Variants in DDX60L observed in about 807,000 individuals in gnomAD.
DDX60L encodes probable ATP-dependent RNA helicase DDX60-like.
A neutral mutation model predicts 211.6 loss-of-function variants in DDX60L; 191 were observed. That is an observed-to-expected ratio of 0.90 (90% CI 0.80 to 1.02). DDX60L has a LOEUF of 1.02. Ranked by LOEUF, DDX60L falls within the 50% of genes least tolerant of loss-of-function variation. The probability of loss-of-function intolerance (pLI) is 0.00; values close to 1 mark genes in which losing one functional copy is unlikely to be tolerated. For missense variants in DDX60L, 2,007 were observed against 1,984.1 expected (o/e 1.01, Z -0.22); for synonymous variants, 706 against 694.1 (o/e 1.02, Z -0.27).
intron 36 of DDX60L, among the ~76,000 whole-genome samples, chr4:168,369,206 G>A (rs552590622): frequency 6.6e-6 from 1 of 152,276 alleles, no homozygotes; most frequent in East Asian, 1.9e-4. Flanking sequence ...GGAACCCGGT[G>A]CGAGGTGACT....
intron 7 of DDX60L, among the ~76,000 whole-genome samples, chr4:168,454,435 T>C (rs907527236): frequency 2.6e-5 from 4 of 152,082 alleles, no homozygotes; most frequent in Non-Finnish European, 5.9e-5. Flanking sequence ...AAAATTGGGA[T>C]AGTAACAGTA....
intron 36 of DDX60L, among the ~76,000 whole-genome samples, chr4:168,368,680 C>A (rs1180050449): frequency 2.0e-5 from 3 of 152,238 alleles, no homozygotes. Context: ...CCTGTGAAAG[C>A]AGCCAGGAGG....
intron 9 of DDX60L, among the ~76,000 whole-genome samples, chr4:168,447,738 G>A (rs971569076): frequency 6.6e-6 from 1 of 151,748 alleles, no homozygotes; most frequent in Non-Finnish European, 1.5e-5. Flanking sequence ...GGACATGGAT[G>A]AAATTGGAAA....
At chr4:168,358,316 A>G (rs951935974) in intron 37 of DDX60L, 40 bp from the exon 38 acceptor site, 1 of 1,363,736 alleles carries the variant, frequency 7.3e-7, no homozygotes, top group Non-Finnish European at 9.8e-7. Context: ...TAATGAGCCC[A>G]CATTTTTATA....
intron 9 of DDX60L, among the ~76,000 whole-genome samples, chr4:168,446,573 G>C (rs1754835818): frequency 6.6e-6 from 1 of 152,132 alleles, no homozygotes; most frequent in Non-Finnish European, 1.5e-5. Context: ...GCATCACCAA[G>C]TCAATCCTAA....
intron 27 of DDX60L, among the ~76,000 whole-genome samples, chr4:168,395,010 C>G (rs1579352966): frequency 6.6e-6 from 1 of 152,160 alleles, no homozygotes; most frequent in East Asian, 1.9e-4. Context: ...GATGATCAGA[C>G]AATTCTTACT....
intron 13 of DDX60L, among the ~76,000 whole-genome samples, chr4:168,429,601 T>C (rs942817932): frequency 6.6e-6 from 1 of 152,260 alleles, no homozygotes; most frequent in Admixed American, 6.5e-5. Context: ...GGATTTCTAA[T>C]GGCAAGCAAG....
chr4:168,358,367 C>A, intron 37 of DDX60L, 91 bp from the exon 38 acceptor site: 1 of 933,508 alleles, frequency 1.1e-6, no homozygotes, highest in Admixed American at 3.4e-5. Flanking sequence ...GTAATTCCCC[C>A]CAAAATCTAT....
At chr4:168,366,039 A>G (rs1739928085) in intron 36 of DDX60L, among the ~76,000 whole-genome samples, 1 of 152,158 alleles carries the variant, frequency 6.6e-6, no homozygotes, top group Non-Finnish European at 1.5e-5. Flanking sequence ...AATAAAAGCC[A>G]TATATGACAA....
intron 36 of DDX60L, among the ~76,000 whole-genome samples, chr4:168,364,809 A>G (rs926829632): frequency 1.3e-5 from 2 of 152,250 alleles, no homozygotes; most frequent in Non-Finnish European, 2.9e-5. Flanking sequence ...TTAAGAATAT[A>G]GAGATCATAT....
At chr4:168,415,254 T>A (rs768702822) in intron 22 of DDX60L, among the ~76,000 whole-genome samples, 154 bp downstream of exon 22, 5 of 151,902 alleles carry the variant, frequency 3.3e-5, no homozygotes, top group Non-Finnish European at 7.4e-5. Flanking sequence ...AAAAATGTAT[T>A]AAATTTAAAA....
At chr4:168,415,966 TCAGCTTCTC>T in intron 20 of DDX60L, among the ~76,000 whole-genome samples, 167 bp from the exon 21 acceptor site, 1 of 152,310 alleles carries the variant, frequency 6.6e-6, no homozygotes, top group South Asian at 2.1e-4. Context: ...GGCAAATTCC[TCAGCTTCTC>T]TATGCCTCCC....
intron 10 of DDX60L, among the ~76,000 whole-genome samples, 162 bp downstream of exon 10, chr4:168,441,175 T>C (rs1561078265): frequency 6.6e-6 from 1 of 152,144 alleles, no homozygotes; most frequent in Non-Finnish European, 1.5e-5. Context: ...TGGTTTACTT[T>C]AACCACATTA....
At position 168,448,686 on chromosome 4, in the gene DDX60L, G is replaced by T; in HGVS notation, c.1090C>A (p.Gln364Lys). 3.1e-6 allele frequency: 5 copies of T among 1,595,004 alleles called. No individual in the cohort carries two copies. The highest frequency in any genetic ancestry group is 2.7e-5 in the African/African-American group (2 of 74,740). The change falls in exon 9 of 38, where the codon CAA becomes AAA. Residue 364 changes from glutamine to lysine, a missense_variant. By Grantham distance (53) the Gln-to-Lys change is moderately conservative (BLOSUM62 1). Transcript: ENST00000682922. ...LNHVSDLYDEQLLKNIAFYYE... is the reference protein window; with the variant it reads ...LNHVSDLYDEKLLKNIAFYYE... ...TAGAAGGCTATATTCTTTAACAATT[G>T]CTCATCATACAAGTCAGAAACATGA...
At chr4:168,367,953 T>A (rs570406059) in intron 36 of DDX60L, among the ~76,000 whole-genome samples, 2 of 152,234 alleles carry the variant, frequency 1.3e-5, no homozygotes, top group African/African-American at 4.8e-5. Flanking sequence ...TTGGGTACTG[T>A]TAAAGGCATT....
At chr4:168,465,932 C>A (rs1757935164) in intron 4 of DDX60L, among the ~76,000 whole-genome samples, 1 of 151,904 alleles carries the variant, frequency 6.6e-6, no homozygotes, top group African/African-American at 2.4e-5. Context: ...TAGTGAAATA[C>A]CCCCAGCTTT....
At position 168,375,378 on chromosome 4, in the gene DDX60L, G is replaced by A; in HGVS notation, c.4632C>T (p.Ile1544=). The A allele has an allele frequency of 6.2e-7, 1 of 1,611,402 alleles. No homozygotes were observed. Among genetic ancestry groups the A allele is most frequent in the East Asian group, 2.2e-5 (1 of 44,780 alleles). ...GGAATGGAACTAAAATCTGCTTACT[G>A]ATTCTTGACAAAGGGAGTTGATGCT... is the stretch of plus-strand genomic sequence containing the variant. ...KKEHQLPLSR[I]KFTGKECEDS... is the part of the protein sequence containing the mutation. The change falls in exon 34 of 38, where the codon ATC becomes ATT. Residue 1544 remains isoleucine, a splice_region_variant and synonymous_variant. Coordinates refer to ENST00000682922, the MANE Select transcript of DDX60L (RefSeq NM_001012967.3).
At chr4:168,449,587 C>A (rs1755370631) in intron 8 of DDX60L, among the ~76,000 whole-genome samples, 1 of 100,738 alleles carries the variant, frequency 9.9e-6, no homozygotes, top group African/African-American at 4.3e-5. Context: ...GCACAATGTG[C>A]ACATGTACCC....
Position 168,472,760 on chromosome 4 carries a change from G to T in DDX60L, c.-61C>A. On this transcript the variant is annotated 5_prime_UTR_variant, in exon 2 of 38. Coordinates refer to ENST00000682922, the MANE Select transcript of DDX60L (RefSeq NM_001012967.3). ...GAGCTGGAATTTATTAAATATGGCTGATTTATTTTGACACCTCTAAAATGG... is the reference window on the plus strand; with the variant it reads ...GAGCTGGAATTTATTAAATATGGCTTATTTATTTTGACACCTCTAAAATGG... The T allele has an allele frequency of 1.3e-6, 2 of 1,583,774 alleles. No individual in the cohort carries two copies. Among genetic ancestry groups the T allele is most frequent in the South Asian group, 2.3e-5 (2 of 87,688 alleles).
Sources: gnomAD v4.1 joint callset for allele counts (sites outside exome capture counted in the v4.1 genomes callset) on GRCh38, gnomAD v4.1.1 for gene constraint, MANE v1.5 for transcripts, NCBI Gene and HGNC (gene_info 2026-07-23, HGNC 2026-07-21) for gene names.